Variants in AATK observed in about 807,000 individuals in gnomAD.
AATK encodes lemur tail kinase 1, also known as serine/threonine-protein kinase LMTK1.
Under a neutral mutation model 114.3 loss-of-function variants are expected in AATK, and 91 were observed. The observed-to-expected ratio is 0.80, with a 90% CI of 0.67 to 0.95. The LOEUF is 0.95. Among genes scored for constraint, AATK ranks in the 40% least tolerant of loss-of-function variants. The pLI is 0.00. For synonymous variants in AATK, 1,075 were observed against 916.5 expected (o/e 1.17, Z -3.12); for missense variants, 2,176 against 1,965.2 (o/e 1.11, Z -2.03).
chr17:81,125,768 A>G (rs771106162), intron 7 of AATK: 9 of 346,806 alleles, frequency 2.6e-5, no homozygotes, highest in African/African-American at 5.8e-5. Context: ...TCTGCGTGCC[A>G]GGGGATCGCT....
At chr17:81,165,646 C>T (rs368782979) in intron 1 of AATK, 9 of 1,482,798 alleles carry the variant, frequency 6.1e-6, no homozygotes, top group African/African-American at 1.4e-5. Flanking sequence ...CTCCTGGACA[C>T]CAGGGGCCCA....
In AATK at chr17:81,122,622, C is replaced by T; in HGVS notation, c.1314G>A (p.Val438=). 1 of 1,413,814 alleles carries T rather than the reference C, an allele frequency of 7.1e-7. No homozygotes were observed. Among genetic ancestry groups the T allele is most frequent in the Non-Finnish European group, 9.3e-7 (1 of 1,074,156 alleles). The allele number at this position is 1,413,814 out of a possible 1,614,324, so 87.6% of individuals were successfully genotyped here. A position where few individuals can be genotyped will look rare whatever the true frequency, so the allele number is the denominator to read the frequency against. ...PGAAGPMLGG[V]VELAAASSFP... is the part of the protein sequence containing the mutation. ...AGGACGAGGCAGCGGCGAGCTCCAC[C>T]ACGCCGCCCAGCATGGGCCCCGCCG... The change falls in exon 11 of 14, where the codon GTG becomes GTA. Residue 438 remains valine (V), a synonymous_variant. Transcript: ENST00000326724.
chr17:81,131,256 T>C, intron 2 of AATK, 51 bp from the exon 3 acceptor site: 1 of 1,518,434 alleles, frequency 6.6e-7, no homozygotes, highest in Non-Finnish European at 8.8e-7. Context: ...CAAGGAAGGG[T>C]GTGGCTGGGC....
Position 81,119,600 on chromosome 17 carries a change from G to A in AATK, c.3884-20C>T, listed in dbSNP as rs764880253. The A allele has an allele frequency of 4.3e-5, 66 of 1,541,504 alleles. No individual in the cohort carries two copies. Among genetic ancestry groups the A allele is most frequent in the South Asian group, 2.5e-4 (21 of 83,784 alleles). Reference sequence around the variant, plus strand: ...CACCACCTGCAGCCCAGGTCGCGGCGTCACTCGCGCTCACAGCCTGGGACC... The same window carrying A: ...CACCACCTGCAGCCCAGGTCGCGGCATCACTCGCGCTCACAGCCTGGGACC... On this transcript the variant is annotated intron_variant, in intron 12 of 13. Coordinates refer to ENST00000326724, the MANE Select transcript of AATK (RefSeq NM_001080395.3).
At chr17:81,128,360 TGAA>T (rs1273708607) in intron 4 of AATK, 107 bp downstream of exon 4, 8 of 1,346,288 alleles carry the variant, frequency 5.9e-6, no homozygotes, top group East Asian at 5.1e-5. Context: ...GCCCAGAGAC[TGAA>T]GAAGGGACCG....
At chr17:81,128,571 A>G (rs1242135380) in intron 3 of AATK, 22 bp from the exon 4 acceptor site, 1 of 1,548,408 alleles carries the variant, frequency 6.5e-7, no homozygotes, top group Admixed American at 2.0e-5. Context: ...CAGGGGGTTC[A>G]GGGACCCAGT....
chr17:81,155,436 G>C (rs2061349570), intron 1 of AATK, among the ~76,000 whole-genome samples: 1 of 151,804 alleles, frequency 6.6e-6, no homozygotes, highest in Non-Finnish European at 1.5e-5. Flanking sequence ...CGCCCAAGTT[G>C]GAGTGCAGTG....
intron 1 of AATK, 81 bp downstream of exon 1, chr17:81,165,857 C>T (rs1241725934): frequency 2.0e-6 from 3 of 1,532,598 alleles, no homozygotes; most frequent in Non-Finnish European, 2.6e-6. Flanking sequence ...TCCATGCAAA[C>T]CGGGAGCCGT....
rs1395858990 is a variant in AATK, at chr17:81,134,626, C to T, written c.56-125G>A. The T allele has an allele frequency of 5.5e-6, 7 of 1,269,170 alleles. No homozygotes were observed. In the Admixed American group the frequency reaches 6.8e-5, roughly 12 times the overall value. 78.6% of individuals were successfully genotyped at this position (1,269,170 alleles called of 1,614,324 possible). On this transcript the variant is annotated intron_variant, in intron 1 of 13. Coordinates refer to ENST00000326724, the MANE Select transcript of AATK (RefSeq NM_001080395.3). The stretch of plus-strand genomic sequence containing the variant: ...CCAGGCTGGGCCTCAGCACCCTGAC[C>T]TCTCACCCCAGACCCCACACCTCAC...
chr17:81,134,494 G>C lies in AATK; in HGVS notation c.63C>G (p.Ala21=), dbSNP rs1322032996. 1.2e-6 allele frequency: 2 copies of C among 1,611,944 alleles called. No homozygotes were observed. Among genetic ancestry groups the C allele is most frequent in the Admixed American group, 1.7e-5 (1 of 59,862 alleles). ...AFSSHFDPDG[A]PLSELSWPSS... The stretch of plus-strand genomic sequence containing the variant: ...ATGGCCAGGACAGCTCGCTGAGCGG[G>C]GCGCCGTCTGCGGGAGAGCAGTGTG... The change falls in exon 2 of 14, where the codon GCC becomes GCG. Residue 21 remains alanine (A), a synonymous_variant. Coordinates refer to ENST00000326724, the MANE Select transcript of AATK (RefSeq NM_001080395.3).
intron 9 of AATK, among the ~76,000 whole-genome samples, chr17:81,123,865 G>A (rs1461645402): frequency 6.6e-6 from 1 of 152,162 alleles, no homozygotes; most frequent in Non-Finnish European, 1.5e-5. Context: ...GTGGGCTGTG[G>A]CTTCACCCAG....
chr17:81,142,080 C>T (rs78428113), intron 1 of AATK, among the ~76,000 whole-genome samples: 15,010 of 151,856 alleles, frequency 0.099, 944 homozygotes, highest in Non-Finnish European at 0.14. Flanking sequence ...CTCAGCCCCC[C>T]AAGTAGCTGG....
intron 1 of AATK, among the ~76,000 whole-genome samples, chr17:81,143,560 T>A (rs2061171100): frequency 8.3e-6 from 1 of 119,870 alleles, no homozygotes; most frequent in Non-Finnish European, 1.8e-5. Flanking sequence ...GCAGCCCCAA[T>A]TCCCCCAGCC....
chr17:81,125,071 G>C (rs1487219682), intron 7 of AATK, 57 bp from the exon 8 acceptor site: 1 of 1,137,770 alleles, frequency 8.8e-7, no homozygotes. Context: ...GGTGTGCCGG[G>C]TGGGGGCAGG....
At chr17:81,141,574 A>C (rs1049714457) in intron 1 of AATK, among the ~76,000 whole-genome samples, 1 of 152,256 alleles carries the variant, frequency 6.6e-6, no homozygotes, top group Non-Finnish European at 1.5e-5. Context: ...GGGGCTCCCC[A>C]GCAAAGCCTC....
chr17:81,160,185 C>G, intron 1 of AATK: 4 of 887,048 alleles, frequency 4.5e-6, no homozygotes, highest in Non-Finnish European at 5.4e-6. Context: ...CCCCCACCCC[C>G]AGGCTGGCAG....
chr17:81,163,773 CT>C (rs1180948044), intron 1 of AATK, among the ~76,000 whole-genome samples: 1 of 152,264 alleles, frequency 6.6e-6, no homozygotes, highest in African/African-American at 2.4e-5. Flanking sequence ...TCTCTGCCCC[CT>C]GTACCACCAC....
At chr17:81,119,299 C>T (rs2060650130) in intron 13 of AATK, 81 bp downstream of exon 13, 6 of 1,375,532 alleles carry the variant, frequency 4.4e-6, no homozygotes, top group Middle Eastern at 2.6e-4. Flanking sequence ...GGCCCAGGAC[C>T]TAGACGGAGG....
chr17:81,118,849 C>T (rs2060616152), intron 13 of AATK, among the ~76,000 whole-genome samples: 2 of 152,166 alleles, frequency 1.3e-5, no homozygotes, highest in South Asian at 4.1e-4. Flanking sequence ...TGGCAGGGGG[C>T]CTTCTCCGAG....
Sources: allele counts gnomAD v4.1 joint callset (sites outside exome capture counted in the v4.1 genomes callset), GRCh38; gene constraint gnomAD v4.1.1; transcripts MANE v1.5; gene names NCBI Gene and HGNC (gene_info 2026-07-23, HGNC 2026-07-21).